Variants in VCL observed in about 807,000 individuals in gnomAD.
VCL encodes the protein vinculin.
In VCL, 47 loss-of-function variants were observed where a neutral mutation model predicts 125.7. The ratio of observed to expected loss-of-function variants is 0.37; its 90% CI spans 0.30 to 0.48. VCL has a LOEUF of 0.48. Among genes scored for constraint, VCL ranks in the 20% least tolerant of loss-of-function variants. The pLI is 0.99. For missense variants in VCL, 1,069 were observed against 1,455.5 expected, an observed-to-expected ratio of 0.73 and a Z score of 4.32; for synonymous variants, 458 against 514.6, an observed-to-expected ratio of 0.89 and a Z score of 1.49.
chr10:74,019,516 T>C (rs1007488861), intron 1 of VCL, among the ~76,000 whole-genome samples: 1 of 151,930 alleles, frequency 6.6e-6, no homozygotes, highest in Non-Finnish European at 1.5e-5. Context: ...TTGAGGAAGA[T>C]AGATTGGAGC....
chr10:74,050,856 GA>G (rs1841285463), intron 2 of VCL, among the ~76,000 whole-genome samples: 1 of 149,284 alleles, frequency 6.7e-6, no homozygotes, highest in Non-Finnish European at 1.5e-5. Context: ...CTGCATTTTT[GA>G]CCTAGAGCAA....
chr10:74,045,096 G>A (rs565030402), intron 2 of VCL, among the ~76,000 whole-genome samples: 166 of 152,074 alleles, frequency 1.1e-3, no homozygotes, highest in Non-Finnish European at 2.2e-3. Flanking sequence ...ACCTGAGCTG[G>A]GGAAGTTAAG....
Position 74,070,744 on chromosome 10 carries a change from G to A in VCL, c.314G>A (p.Arg105Gln), listed in dbSNP as rs2136272720. The A allele has an allele frequency of 1.9e-6, 3 of 1,614,116 alleles. No homozygotes were observed. The highest frequency in any genetic ancestry group is 2.5e-6 in the Non-Finnish European group (3 of 1,180,018). The change falls in exon 3 of 22, where the codon CGA becomes CAA. Residue 105 changes from arginine to glutamine, a missense_variant. Arg to Gln is a conservative substitution (Grantham distance 43). Around this residue, in one of 6 missense-constraint regions of VCL, gnomAD observed 96 missense variants for 137.6 expected, o/e 0.70. Transcript: ENST00000211998. ...TCAGACCCTTACTCAGTGCCTGCTCGAGATTATCTAATTGATGGGTCAAGG... is the reference window on the plus strand; with the variant it reads ...TCAGACCCTTACTCAGTGCCTGCTCAAGATTATCTAATTGATGGGTCAAGG... The part of the protein sequence containing the change: ...LQSDPYSVPA[R>Q]DYLIDGSRGI...
At position 74,070,953 on chromosome 10, in the gene VCL, A is replaced by G. The variant is rs776290040; in HGVS notation, c.391-22A>G. ...GCTAGTTGTCCACCCATGTGATTGAATACTCTGAAATATTTTTTCAGGTCC... is the reference window on the plus strand; with the variant it reads ...GCTAGTTGTCCACCCATGTGATTGAGTACTCTGAAATATTTTTTCAGGTCC... On this transcript the variant is annotated intron_variant, in intron 3 of 21. Coordinates refer to ENST00000211998, the MANE Select transcript of VCL (RefSeq NM_014000.3). 1.9e-6 allele frequency: 3 copies of G among 1,613,754 alleles called. No homozygotes were observed. In the Admixed American group the frequency reaches 5.0e-5, roughly 27 times the overall value.
intron 1 of VCL, among the ~76,000 whole-genome samples, chr10:74,040,570 T>C (rs959512889): frequency 2.6e-5 from 4 of 152,222 alleles, no homozygotes; most frequent in Admixed American, 2.6e-4. Flanking sequence ...CCATAGCTTT[T>C]TGAATGGTTA....
chr10:74,018,905 T>C (rs545455522), intron 1 of VCL, among the ~76,000 whole-genome samples: 1 of 152,306 alleles, frequency 6.6e-6, no homozygotes, highest in East Asian at 1.9e-4. Flanking sequence ...TAGTCCCCTT[T>C]CATACAAATG....
At chr10:74,112,936 A>T (rs180854020) in intron 19 of VCL, among the ~76,000 whole-genome samples, 11 of 152,362 alleles carry the variant, frequency 7.2e-5, no homozygotes, top group Middle Eastern at 3.4e-3. Flanking sequence ...TAGAAGAGGT[A>T]GACCCAGAGG....
chr10:74,042,767 T>A (rs2136248582), intron 1 of VCL, among the ~76,000 whole-genome samples: 1 of 152,316 alleles, frequency 6.6e-6, no homozygotes, highest in South Asian at 2.1e-4. Flanking sequence ...GTGGCCTAGT[T>A]TTTTGGCTTA....
chr10:74,042,492 G>A (rs895779921), intron 1 of VCL, among the ~76,000 whole-genome samples: 3 of 152,178 alleles, frequency 2.0e-5, no homozygotes, highest in African/African-American at 7.2e-5. Context: ...CCTGCAGGGT[G>A]TAAAACTACC....
At chr10:74,111,287 C>T (rs535872961) in intron 18 of VCL, among the ~76,000 whole-genome samples, 1 of 152,214 alleles carries the variant, frequency 6.6e-6, no homozygotes, top group Admixed American at 6.5e-5. Context: ...GTTTGTTTTT[C>T]CTGCCTCTTT....
chr10:74,047,757 T>C (rs975221391), intron 2 of VCL, among the ~76,000 whole-genome samples: 3 of 152,174 alleles, frequency 2.0e-5, no homozygotes, highest in African/African-American at 7.2e-5. Context: ...CTTTTAGGAT[T>C]TGGGGATCTC....
chr10:74,033,738 C>T (rs1219379072), intron 1 of VCL, among the ~76,000 whole-genome samples: 1 of 152,134 alleles, frequency 6.6e-6, no homozygotes, highest in Non-Finnish European at 1.5e-5. Flanking sequence ...AACTGAGGAA[C>T]CATCTTTTCA....
At chr10:74,112,965 C>T (rs1840252694) in intron 19 of VCL, among the ~76,000 whole-genome samples, 1 of 152,184 alleles carries the variant, frequency 6.6e-6, no homozygotes, top group African/African-American at 2.4e-5. Context: ...TAACATACCC[C>T]TTGCTTCTTG....
At chr10:74,021,653 C>G (rs1281088784) in intron 1 of VCL, among the ~76,000 whole-genome samples, 4 of 152,202 alleles carry the variant, frequency 2.6e-5, no homozygotes, top group Non-Finnish European at 5.9e-5. Context: ...GAACTGGAAG[C>G]TCCAACTTGG....
intron 1 of VCL, among the ~76,000 whole-genome samples, chr10:74,017,469 A>G (rs1840570935): frequency 6.6e-6 from 1 of 151,228 alleles, no homozygotes; most frequent in Non-Finnish European, 1.5e-5. Flanking sequence ...TAATGCTGCT[A>G]TTTCATCATA....
At chr10:74,073,230 CT>C (rs1430200314) in intron 5 of VCL, among the ~76,000 whole-genome samples, 1 of 152,150 alleles carries the variant, frequency 6.6e-6, no homozygotes, top group Non-Finnish European at 1.5e-5. Flanking sequence ...TGAGCCATGG[CT>C]CCTGGCCTGA....
intron 16 of VCL, among the ~76,000 whole-genome samples, chr10:74,105,680 C>T (rs1840120754): frequency 6.6e-6 from 1 of 152,168 alleles, no homozygotes; most frequent in African/African-American, 2.4e-5. Context: ...CCTCAGCCTC[C>T]CGAGTAGCTG....
intron 1 of VCL, among the ~76,000 whole-genome samples, chr10:74,013,664 A>G (rs1398109731): frequency 6.6e-6 from 1 of 152,134 alleles, no homozygotes; most frequent in African/African-American, 2.4e-5. Flanking sequence ...GATAGGTAAC[A>G]TTGGGGAAGT....
At chr10:74,042,239 G>A (rs943471929) in intron 1 of VCL, among the ~76,000 whole-genome samples, 2 of 152,046 alleles carry the variant, frequency 1.3e-5, no homozygotes, top group Admixed American at 6.6e-5. Flanking sequence ...TCAACCTAAC[G>A]ATATATCTTA....
Sources: allele counts gnomAD v4.1 joint callset (sites outside exome capture counted in the v4.1 genomes callset), GRCh38; gene constraint gnomAD v4.1.1; regional missense constraint gnomAD v4.1.1; transcripts MANE v1.5; gene names NCBI Gene and HGNC (gene_info 2026-07-23, HGNC 2026-07-21).